CYP2C19: variants seen among roughly 807,000 people sequenced by gnomAD.
CYP2C19 encodes cytochrome P450 2C19.
In CYP2C19, 59 loss-of-function variants were observed where a neutral mutation model predicts 40.9. That is an observed-to-expected ratio of 1.44 (90% CI 1.17 to 1.79). The LOEUF (loss-of-function observed/expected upper bound fraction) is 1.79, where lower values mean the gene tolerates loss of function less well. CYP2C19 is among the 40% of genes most tolerant of loss of function. The pLI, the probability that CYP2C19 is intolerant of heterozygous loss-of-function variation, is 0.00. For synonymous variants in CYP2C19, 253 were observed against 208.7 expected (o/e 1.21, Z -1.83); for missense variants, 754 against 596.9 (o/e 1.26, Z -2.74).
intron 5 of CYP2C19, among the ~76,000 whole-genome samples, chr10:94,794,587 G>T (rs1403529545): frequency 6.6e-6 from 1 of 152,098 alleles, no homozygotes; most frequent in Non-Finnish European, 1.5e-5. Context: ...GTTGAGCAGT[G>T]GTTGGTAGTT....
At chr10:94,787,126 G>A (rs1304500138) in intron 5 of CYP2C19, among the ~76,000 whole-genome samples, 1 of 152,030 alleles carries the variant, frequency 6.6e-6, no homozygotes, top group Non-Finnish European at 1.5e-5. Context: ...TAGTGTATAA[G>A]TTTTCCCTTT....
chr10:94,816,335 G>T (rs559247420), intron 5 of CYP2C19, among the ~76,000 whole-genome samples: 2 of 150,430 alleles, frequency 1.3e-5, no homozygotes, highest in East Asian at 3.9e-4. Flanking sequence ...CAAAGTAGCC[G>T]GTATAATTAG....
At chr10:94,766,539 A>G (rs1208582165) in intron 1 of CYP2C19, among the ~76,000 whole-genome samples, 1 of 152,144 alleles carries the variant, frequency 6.6e-6, no homozygotes, top group African/African-American at 2.4e-5. Context: ...GCTTAATAAT[A>G]TGATGAAATA....
intron 8 of CYP2C19, among the ~76,000 whole-genome samples, chr10:94,851,859 TGGG>T (rs755517724): frequency 7.2e-5 from 11 of 152,048 alleles, no homozygotes; most frequent in African/African-American, 9.7e-5. Flanking sequence ...ACATATGAAA[TGGG>T]GGGAGGAATA....
chr10:94,785,750 G>A (rs1452410379), intron 5 of CYP2C19, among the ~76,000 whole-genome samples: 2 of 152,108 alleles, frequency 1.3e-5, no homozygotes, highest in Non-Finnish European at 2.9e-5. Context: ...AGACAAGCAA[G>A]CTGGAAGCCT....
intron 7 of CYP2C19, among the ~76,000 whole-genome samples, chr10:94,846,128 C>T (rs1334998499): frequency 6.6e-6 from 1 of 152,040 alleles, no homozygotes; most frequent in Non-Finnish European, 1.5e-5. Flanking sequence ...TCTTTCAATT[C>T]ACTCTCCAGT....
chr10:94,827,092 A>G (rs1015605730), intron 6 of CYP2C19, among the ~76,000 whole-genome samples: 2 of 151,854 alleles, frequency 1.3e-5, no homozygotes, highest in Non-Finnish European at 1.5e-5. Context: ...TTTTGCATGA[A>G]TGTTCATCAA....
At chr10:94,838,772 G>T (rs1454488134) in intron 6 of CYP2C19, among the ~76,000 whole-genome samples, 2 of 152,040 alleles carry the variant, frequency 1.3e-5, no homozygotes, top group Non-Finnish European at 2.9e-5. Flanking sequence ...GTCTCTTAAT[G>T]AAAAGAAAGT....
chr10:94,790,772 A>T (rs934725902), intron 5 of CYP2C19, among the ~76,000 whole-genome samples: 1 of 152,116 alleles, frequency 6.6e-6, no homozygotes, highest in Admixed American at 6.6e-5. Context: ...TCAGTTTGCC[A>T]GTATTTTATT....
At chr10:94,778,131 G>A (rs1848434889) in intron 3 of CYP2C19, among the ~76,000 whole-genome samples, 1 of 152,110 alleles carries the variant, frequency 6.6e-6, no homozygotes, top group Non-Finnish European at 1.5e-5. Context: ...TTCAGTGCAG[G>A]CACAATGCTG....
At chr10:94,786,882 TACC>T (rs1482438563) in intron 5 of CYP2C19, among the ~76,000 whole-genome samples, 1 of 152,198 alleles carries the variant, frequency 6.6e-6, no homozygotes, top group Non-Finnish European at 1.5e-5. Context: ...AGTGTATATA[TACC>T]ACATTTTCTT....
rs1184277002 is a variant in CYP2C19, at chr10:94,850,198, T to G, written c.1291+140T>G. 1.6e-5 allele frequency: 16 copies of G among 988,360 alleles called. 1 individual carries two copies. Among genetic ancestry groups the G allele is most frequent in the Non-Finnish European group, 2.4e-5 (16 of 653,618 alleles). The allele number at this position is 988,360 out of a possible 1,614,324, so 61.2% of individuals were successfully genotyped here. A position where few individuals can be genotyped will look rare whatever the true frequency, so the allele number is the denominator to read the frequency against. ...GAGCACTGTTCTGAATGCCTGTGTT[T>G]TCTCCGCTGGTGATACATCCTCATT... On this transcript the variant is annotated intron_variant, in intron 8 of 8. Transcript: ENST00000371321.
At chr10:94,766,135 G>C (rs1848239041) in intron 1 of CYP2C19, among the ~76,000 whole-genome samples, 1 of 152,030 alleles carries the variant, frequency 6.6e-6, no homozygotes, top group African/African-American at 2.4e-5. Flanking sequence ...AGGTTAATTT[G>C]GTAAAGATCC....
intron 8 of CYP2C19, among the ~76,000 whole-genome samples, chr10:94,851,988 T>A (rs1197946767): frequency 1.3e-5 from 2 of 152,204 alleles, no homozygotes; most frequent in African/African-American, 2.4e-5. Flanking sequence ...GGAGATAAAA[T>A]TTGACCTATG....
At chr10:94,807,640 T>A (rs557812881) in intron 5 of CYP2C19, among the ~76,000 whole-genome samples, 2 of 152,262 alleles carry the variant, frequency 1.3e-5, no homozygotes, top group East Asian at 3.9e-4. Context: ...CTTGCTGATA[T>A]AATCATAAGC....
At chr10:94,800,253 A>G (rs908824177) in intron 5 of CYP2C19, among the ~76,000 whole-genome samples, 14 of 152,186 alleles carry the variant, frequency 9.2e-5, no homozygotes, top group African/African-American at 2.7e-4. Context: ...TCTTCTAACC[A>G]TCATGTCCCT....
intron 5 of CYP2C19, among the ~76,000 whole-genome samples, chr10:94,789,067 G>C (rs936429684): frequency 8.6e-5 from 13 of 151,992 alleles, no homozygotes; most frequent in African/African-American, 3.1e-4. Flanking sequence ...ATCTCATTGT[G>C]GTTTTGATTT....
At chr10:94,824,712 T>G (rs2134271904) in intron 6 of CYP2C19, among the ~76,000 whole-genome samples, 1 of 152,136 alleles carries the variant, frequency 6.6e-6, no homozygotes, top group South Asian at 2.1e-4. Context: ...TTGTGCAGGT[T>G]AGTTACATAT....
chr10:94,784,763 T>C (rs867452910), intron 5 of CYP2C19, among the ~76,000 whole-genome samples: 10 of 152,030 alleles, frequency 6.6e-5, no homozygotes, highest in Admixed American at 1.3e-4. Flanking sequence ...CTAATTTTTA[T>C]ATTTTTGGTA....
Sources: allele counts gnomAD v4.1 joint callset (sites outside exome capture counted in the v4.1 genomes callset), GRCh38; gene constraint gnomAD v4.1.1; transcripts MANE v1.5; gene names NCBI Gene and HGNC (gene_info 2026-07-23, HGNC 2026-07-21).